Variants in GPC5 observed in about 807,000 individuals in gnomAD.
The protein encoded by GPC5 is glypican 5, also known as glypican-5.
GPC5 carries 47 observed loss-of-function variants against 53.9 expected under a neutral mutation model. The observed-to-expected ratio is 0.87, with a 90% CI of 0.69 to 1.11. The LOEUF (loss-of-function observed/expected upper bound fraction) is 1.11. Ranked by LOEUF, GPC5 falls within the 50% of genes most tolerant of loss-of-function variation. The pLI is 0.00. For synonymous variants in GPC5, 286 were observed against 263.3 expected (o/e 1.09, Z -0.84); for missense variants, 748 against 713.1 (o/e 1.05, Z -0.56).
At chr13:91,972,794 C>T (rs1485371188) in intron 6 of GPC5, among the ~76,000 whole-genome samples, 1 of 152,064 alleles carries the variant, frequency 6.6e-6, no homozygotes, top group East Asian at 1.9e-4. Context: ...GAATATTGGC[C>T]CCCACTCTCT....
At chr13:91,746,144 A>G (rs936877672) in intron 4 of GPC5, among the ~76,000 whole-genome samples, 1 of 152,204 alleles carries the variant, frequency 6.6e-6, no homozygotes, top group Non-Finnish European at 1.5e-5. Context: ...TTAAACGTCT[A>G]CTGTTTGACA....
At chr13:91,951,490 C>T (rs1040185388) in intron 6 of GPC5, among the ~76,000 whole-genome samples, 9 of 152,106 alleles carry the variant, frequency 5.9e-5, no homozygotes, top group Non-Finnish European at 1.0e-4. Flanking sequence ...ACTTTTAATT[C>T]GTTTAGCTCA....
intron 7 of GPC5, among the ~76,000 whole-genome samples, chr13:92,208,329 C>A (rs926669943): frequency 6.6e-6 from 1 of 152,212 alleles, no homozygotes; most frequent in African/African-American, 2.4e-5. Flanking sequence ...TTCCCATTCC[C>A]TTTCTCCCAG....
chr13:92,453,380 G>T (rs537904647), intron 7 of GPC5, among the ~76,000 whole-genome samples: 2 of 152,178 alleles, frequency 1.3e-5, no homozygotes, highest in East Asian at 3.9e-4. Flanking sequence ...CTTCTCGGTT[G>T]TGGTATGAAC....
chr13:91,616,668 T>C (rs995353144), intron 2 of GPC5, among the ~76,000 whole-genome samples: 1 of 152,144 alleles, frequency 6.6e-6, no homozygotes, highest in African/African-American at 2.4e-5. Context: ...AATCCCTAGA[T>C]ATAAACCTCT....
chr13:92,087,143 A>T (rs983200211), intron 6 of GPC5, among the ~76,000 whole-genome samples: 1 of 152,202 alleles, frequency 6.6e-6, no homozygotes, highest in Non-Finnish European at 1.5e-5. Context: ...GTTAAACAGG[A>T]TCTATCAAGA....
chr13:92,690,571 A>G (rs1218887222), intron 7 of GPC5, among the ~76,000 whole-genome samples: 2 of 143,112 alleles, frequency 1.4e-5, no homozygotes. Flanking sequence ...TCAGCTCGTC[A>G]AAATAATTCT....
intron 7 of GPC5, among the ~76,000 whole-genome samples, chr13:92,326,095 G>T (rs2043248750): frequency 6.6e-6 from 1 of 152,024 alleles, no homozygotes; most frequent in Admixed American, 6.6e-5. Flanking sequence ...CAAAATCATT[G>T]AGATCATTTA....
intron 7 of GPC5, among the ~76,000 whole-genome samples, chr13:92,496,974 G>C (rs1420917624): frequency 6.6e-6 from 1 of 152,190 alleles, no homozygotes; most frequent in African/African-American, 2.4e-5. Context: ...GCATTAAAAA[G>C]TTTAAGTTCC....
intron 2 of GPC5, among the ~76,000 whole-genome samples, chr13:91,624,949 T>A (rs369278375): frequency 4.6e-5 from 7 of 151,580 alleles, no homozygotes; most frequent in Non-Finnish European, 1.0e-4. Flanking sequence ...TTTTCTTTTT[T>A]AAAAAAAATT....
intron 7 of GPC5, among the ~76,000 whole-genome samples, chr13:92,752,496 C>T (rs551952660): frequency 9.9e-5 from 15 of 152,010 alleles, no homozygotes; most frequent in Non-Finnish European, 2.2e-4. Context: ...CCAAGATGGC[C>T]GAATAGGAAT....
intron 2 of GPC5, among the ~76,000 whole-genome samples, chr13:91,585,850 C>T (rs1211349849): frequency 6.6e-6 from 1 of 151,850 alleles, no homozygotes; most frequent in Non-Finnish European, 1.5e-5. Context: ...GTCATATTAA[C>T]ATGTGAAAAA....
At chr13:92,672,939 G>T (rs12876755) in intron 7 of GPC5, among the ~76,000 whole-genome samples, 33,614 of 151,748 alleles carry the variant, frequency 0.22, 4,378 homozygotes, top group South Asian at 0.36. Flanking sequence ...TGGGTGATAG[G>T]CTTGATATCT....
intron 7 of GPC5, among the ~76,000 whole-genome samples, chr13:92,458,478 T>TA (rs1337548112): frequency 4.6e-5 from 7 of 152,230 alleles, no homozygotes; most frequent in African/African-American, 1.2e-4. Flanking sequence ...TCTGTATTTT[T>TA]AGTAGAGACG....
chr13:92,262,895 G>A (rs2042776452), intron 7 of GPC5, among the ~76,000 whole-genome samples: 1 of 152,116 alleles, frequency 6.6e-6, no homozygotes, highest in East Asian at 1.9e-4. Flanking sequence ...TATCCTTTGA[G>A]TAGGCTAAGC....
intron 7 of GPC5, among the ~76,000 whole-genome samples, chr13:92,752,775 T>A (rs1874628863): frequency 6.6e-6 from 1 of 152,082 alleles, no homozygotes; most frequent in Admixed American, 6.5e-5. Flanking sequence ...TACTGCACTT[T>A]TCCAACGGGC....
chr13:91,973,945 G>A (rs2040270447), intron 6 of GPC5, among the ~76,000 whole-genome samples: 1 of 152,322 alleles, frequency 6.6e-6, no homozygotes, highest in African/African-American at 2.4e-5. Context: ...ACCCACTTGA[G>A]GAGGCAGTAT....
chr13:92,356,149 CAATTT>C (rs1277355106), intron 7 of GPC5, among the ~76,000 whole-genome samples: 1 of 152,112 alleles, frequency 6.6e-6, no homozygotes, highest in African/African-American at 2.4e-5. Flanking sequence ...AATGTATTAA[CAATTT>C]AATTTATTTG....
chr13:91,527,862 C>T (rs988408831), intron 2 of GPC5, among the ~76,000 whole-genome samples: 18 of 152,216 alleles, frequency 1.2e-4, no homozygotes, highest in Admixed American at 2.6e-4. Context: ...GAAACAATGG[C>T]CTGAGCCATA....
Sources: gnomAD v4.1 joint callset for allele counts (sites outside exome capture counted in the v4.1 genomes callset) on GRCh38, gnomAD v4.1.1 for gene constraint, MANE v1.5 for transcripts, NCBI Gene and HGNC (gene_info 2026-07-23, HGNC 2026-07-21) for gene names.